Variants in ATAT1 observed in about 807,000 individuals in gnomAD.
ATAT1 encodes alpha-tubulin N-acetyltransferase 1.
ATAT1 carries 42 observed loss-of-function variants against 57.2 expected under a neutral mutation model. That is an observed-to-expected ratio of 0.73 (90% CI 0.57 to 0.95). The LOEUF (loss-of-function observed/expected upper bound fraction) is 0.95. ATAT1 is among the 40% of genes least tolerant of loss of function. The pLI, the probability that ATAT1 is intolerant of heterozygous loss-of-function variation, is 0.00. For synonymous variants in ATAT1, 168 were observed against 187.1 expected, an observed-to-expected ratio of 0.90 and a Z score of 0.83; for missense variants, 454 against 523.7, an observed-to-expected ratio of 0.87 and a Z score of 1.30.
chr6:30,637,413 T>C (rs1270250892), intron 6 of ATAT1, among the ~76,000 whole-genome samples: 1 of 151,034 alleles, frequency 6.6e-6, no homozygotes, highest in African/African-American at 2.4e-5. Context: ...CTCTGTTGCC[T>C]AGGCTGGAGT....
chr6:30,632,240 G>A (rs1231102647), intron 6 of ATAT1, among the ~76,000 whole-genome samples: 1 of 145,504 alleles, frequency 6.9e-6, no homozygotes, highest in East Asian at 2.0e-4. Flanking sequence ...CTGCACTCCT[G>A]CCTGGGCGAC....
intron 10 of ATAT1, chr6:30,643,993 G>A (rs1364822033): frequency 2.0e-6 from 2 of 1,015,040 alleles, no homozygotes; most frequent in Non-Finnish European, 1.2e-6. Flanking sequence ...AGTGTCTACT[G>A]GTGGCTCTAA....
rs1404292744 is a variant in ATAT1 at position 30,640,465 on chromosome 6, A to G, written c.547+43A>G. 4 of 1,612,700 alleles carry G rather than the reference A, an allele frequency of 2.5e-6. No homozygotes were observed. The African/African-American group carries it at 4.0e-5, about 16-fold the overall frequency. ...GTTGGTCACGTAGTCGGGGTGAGGG[A>G]AAGGAAAGAGCTGGACTCTTGGTCC... On this transcript the variant is annotated intron_variant, in intron 7 of 12. Coordinates refer to ENST00000330083, the MANE Select transcript of ATAT1 (RefSeq NM_001031722.4).
In ATAT1 at chr6:30,626,896, C is replaced by T. The variant is rs1364050132; in HGVS notation, c.-308C>T. 2 of 1,607,812 alleles carry T rather than the reference C, an allele frequency of 1.2e-6. No individual in the cohort carries two copies. The highest frequency in any genetic ancestry group is 1.1e-5 in the South Asian group (1 of 90,162). On this transcript the variant is annotated 5_prime_UTR_variant, in exon 1 of 13. Coordinates refer to ENST00000330083, the MANE Select transcript of ATAT1 (RefSeq NM_001031722.4). ...CGCGCACAATGGGCCATGGAGTTCC[C>T]GTTCGATGTGGACGCGCTGTTCCCG... is the stretch of plus-strand genomic sequence containing the variant.
At position 30,628,849 on chromosome 6, in the gene ATAT1, C is replaced by T. The variant is rs148566431; in HGVS notation, c.501+419C>T. The stretch of plus-strand genomic sequence containing the variant: ...CAAACTCCTGACCTTGTGATCTGCC[C>T]GCCTTGGCCTCCCAAAATGCTGGGA... On this transcript the variant is annotated intron_variant, in intron 6 of 12. Transcript: ENST00000330083. 7.5e-4 allele frequency among the ~76,000 whole-genome samples: 114 copies of T among 151,962 alleles called. 2 individuals are homozygous for T. In the East Asian group the frequency reaches 0.018, roughly 25 times the overall value.
chr6:30,627,006 C>G lies in ATAT1; in HGVS notation c.-198C>G. The G allele has an allele frequency of 3.2e-6, 5 of 1,577,754 alleles. No homozygotes were observed. The highest frequency in any genetic ancestry group is 4.3e-6 in the Non-Finnish European group (5 of 1,160,896). ...AACGCCGGCCCGGTGACAGCTCAAA[C>G]CCACCCTCTGGCCCTTTTCTCCCGG... On this transcript the variant is annotated 5_prime_UTR_variant, in exon 1 of 13. Coordinates refer to ENST00000330083, the MANE Select transcript of ATAT1 (RefSeq NM_001031722.4).
intron 6 of ATAT1, among the ~76,000 whole-genome samples, chr6:30,635,320 C>T (rs1254603408): frequency 6.6e-6 from 1 of 151,898 alleles, no homozygotes; most frequent in East Asian, 1.9e-4. Context: ...AAACTGAGGC[C>T]GGGTGTGGTG....
chr6:30,643,259 G>A (rs1765913874), intron 10 of ATAT1: 4 of 1,421,258 alleles, frequency 2.8e-6, no homozygotes, highest in Admixed American at 2.9e-5. Context: ...TGGAATGGTA[G>A]GAAGAACACC....
chr6:30,644,428 C>G, intron 10 of ATAT1: 3 of 985,816 alleles, frequency 3.0e-6, no homozygotes, highest in Non-Finnish European at 2.4e-6. Flanking sequence ...TCTCTCCTTT[C>G]CTCCATAGCA....
At chr6:30,643,176 A>G in intron 10 of ATAT1, 165 bp downstream of exon 10, 2 of 1,463,670 alleles carry the variant, frequency 1.4e-6, no homozygotes. Context: ...GATCTGGGAA[A>G]AAAATGCAGT....
In ATAT1 at chr6:30,629,322, C is replaced by T. The variant is rs2534688; in HGVS notation, c.501+892C>T. Among the ~76,000 whole-genome samples the T allele has an allele frequency of 7.4e-3, 1,120 of 151,446 alleles. 9 individuals carry two copies. The highest frequency in any genetic ancestry group is 9.8e-3 in the African/African-American group (402 of 41,226). On this transcript the variant is annotated intron_variant, in intron 6 of 12. Transcript: ENST00000330083. ...GCAGTGGCACGATCACAGCTCACTG[C>T]AACCTCTGCCTCCGGGGTTCAAGTG...
intron 6 of ATAT1, among the ~76,000 whole-genome samples, chr6:30,631,999 CTTTTA>C (rs1762990646): frequency 6.6e-6 from 1 of 151,894 alleles, no homozygotes; most frequent in Non-Finnish European, 1.5e-5. Context: ...CAAAGACTGG[CTTTTA>C]TTTTAAGTAA....
Position 30,646,047 on chromosome 6 carries a change from C to T in ATAT1, c.1013-20C>T. 1 of 1,610,322 alleles carries T rather than the reference C, an allele frequency of 6.2e-7. No individual in the cohort carries two copies. Among genetic ancestry groups the T allele is most frequent in the Non-Finnish European group, 8.5e-7 (1 of 1,178,132 alleles). ...CTGTCTACTCCTGCCTTCCCATTCA[C>T]ATGCCTGATATTTCCACAGGCAACC... On this transcript the variant is annotated intron_variant, in intron 11 of 12. Coordinates refer to ENST00000330083, the MANE Select transcript of ATAT1 (RefSeq NM_001031722.4).
chr6:30,642,688 T>C (rs1309644704), intron 9 of ATAT1, 80 bp from the exon 10 acceptor site: 3 of 944,438 alleles, frequency 3.2e-6, no homozygotes, highest in African/African-American at 3.3e-5. Context: ...TCTCTTTTTT[T>C]CTACCAAAAC....
intron 6 of ATAT1, 52 bp from the exon 7 acceptor site, chr6:30,640,325 A>G: frequency 6.3e-7 from 1 of 1,586,680 alleles, no homozygotes; most frequent in South Asian, 1.1e-5. Flanking sequence ...CTCAGAATGT[A>G]TCCCCATCGT....
chr6:30,641,638 ATTTAT>A (rs1765471521), intron 8 of ATAT1: 1 of 403,374 alleles, frequency 2.5e-6, no homozygotes, highest in Non-Finnish European at 3.3e-6. Context: ...AGATGCCCAT[ATTTAT>A]TTTCTTTTTT....
rs937984078 is a variant in ATAT1, at chr6:30,628,446, GAA to G, written c.501+17_501+18del. ...AGTCCCACAGGTTAGAGGTTTCAGAGAATAGATCCCCACTGAGCATTCCCATT... is the reference window on the plus strand; with the variant it reads ...AGTCCCACAGGTTAGAGGTTTCAGAGTAGATCCCCACTGAGCATTCCCATT... On this transcript the variant is annotated intron_variant, in intron 6 of 12. Transcript: ENST00000330083. The G allele has an allele frequency of 1.1e-5, 17 of 1,576,900 alleles. No individual in the cohort carries two copies. In the Admixed American group the frequency reaches 2.8e-4, roughly 26 times the overall value.
intron 6 of ATAT1, among the ~76,000 whole-genome samples, chr6:30,636,846 C>T (rs1764209604): frequency 6.6e-6 from 1 of 151,910 alleles, no homozygotes; most frequent in African/African-American, 2.4e-5. Context: ...GAGTCTCAGT[C>T]TGTCGCCCAG....
intron 6 of ATAT1, among the ~76,000 whole-genome samples, chr6:30,630,576 C>T (rs1762634282): frequency 6.6e-6 from 1 of 151,830 alleles, no homozygotes; most frequent in Admixed American, 6.6e-5. Flanking sequence ...GCAGAGGTTG[C>T]AGTGAACCAA....
Sources: gnomAD v4.1 joint callset for allele counts (sites outside exome capture counted in the v4.1 genomes callset) on GRCh38, gnomAD v4.1.1 for gene constraint, MANE v1.5 for transcripts, NCBI Gene and HGNC (gene_info 2026-07-23, HGNC 2026-07-21) for gene names.